GGT1: variants seen among roughly 807,000 people sequenced by gnomAD.
The protein encoded by GGT1 is glutathione hydrolase 1 proenzyme.
In GGT1, 21 loss-of-function variants were observed where a neutral mutation model predicts 56.0. The ratio of observed to expected loss-of-function variants is 0.38; its 90% confidence interval spans 0.27 to 0.54. GGT1 has a LOEUF of 0.54. Among genes scored for constraint, GGT1 ranks in the 20% least tolerant of loss-of-function variants. GGT1 has a pLI of 0.82. For missense variants in GGT1, 466 were observed against 787.0 expected, an observed-to-expected ratio of 0.59 and a Z score of 4.88; for synonymous variants, 238 against 342.6, an observed-to-expected ratio of 0.69 and a Z score of 3.37.
At chr22:24,623,048 C>G (rs2047530645) in intron 9 of GGT1, 59 bp from the exon 10 acceptor site, 2 of 1,608,786 alleles carry the variant, frequency 1.2e-6, no homozygotes, top group African/African-American at 2.7e-5. Context: ...GCAGCTCCAT[C>G]CTCCACGCAG....
At chr22:24,611,541 ATCATCTATCTATCTATCTATCTATCT>A in intron 5 of GGT1, among the ~76,000 whole-genome samples, 1 of 39,122 alleles carries the variant, frequency 2.6e-5, no homozygotes, top group East Asian at 6.3e-4. Context: ...CTATCTATCT[ATCATCTATCTATCTATCTATCTATCT>A]ATCTATCTAT....
the GGT1 span, chr22:24,585,790 T>C: frequency 8.1e-7 from 1 of 1,235,850 alleles, no homozygotes; most frequent in South Asian, 1.6e-5. Context: ...ACACTGGATT[T>C]CTGGGGGCCT....
chr22:24,590,566 T>G (rs1477116857), upstream of GGT1, among the ~76,000 whole-genome samples: 4 of 152,118 alleles, frequency 2.6e-5, no homozygotes, highest in Admixed American at 2.6e-4. Flanking sequence ...GTGGGATTCT[T>G]TGGGGTCTTT....
At chr22:24,600,935 C>G (rs561700553), upstream of GGT1, among the ~76,000 whole-genome samples, 1 of 152,194 alleles carries the variant, frequency 6.6e-6, no homozygotes, top group Admixed American at 6.5e-5. Context: ...AGTGAGCTCC[C>G]CATTGGGGAA....
upstream of GGT1, among the ~76,000 whole-genome samples, chr22:24,594,606 C>T (rs117990015): frequency 4.7e-4 from 71 of 152,210 alleles, 2 homozygotes; most frequent in East Asian, 0.012. Flanking sequence ...GGACCCCCAA[C>T]CCCTGCTGGA....
chr22:24,606,182 C>A (rs1421377530), intron 1 of GGT1, among the ~76,000 whole-genome samples: 1 of 143,576 alleles, frequency 7.0e-6, no homozygotes, highest in Non-Finnish European at 1.5e-5. Flanking sequence ...TACATGTGCA[C>A]AACGTACAGG....
chr22:24,594,213 C>T (rs932406729), upstream of GGT1, among the ~76,000 whole-genome samples: 1 of 151,942 alleles, frequency 6.6e-6, no homozygotes, highest in South Asian at 2.1e-4. Context: ...GCCCCAATCC[C>T]GGCTCTGGGA....
the GGT1 span, among the ~76,000 whole-genome samples, chr22:24,587,826 G>A: frequency 6.6e-6 from 1 of 152,138 alleles, no homozygotes; most frequent in African/African-American, 2.4e-5. Context: ...CCTCTAAAAT[G>A]AGAATCGCGA....
At chr22:24,622,363 G>A (rs755808569) in intron 9 of GGT1, among the ~76,000 whole-genome samples, 1 of 143,838 alleles carries the variant, frequency 7.0e-6, no homozygotes, top group African/African-American at 2.6e-5. Flanking sequence ...AGGAGATCGA[G>A]ACCATCCTGG....
chr22:24,597,933 A>C (rs2045722168), intron 1 of GGT1: 1 of 152,218 alleles, frequency 6.6e-6, no homozygotes, highest in African/African-American at 2.4e-5. Context: ...CCATCCCACC[A>C]GTCACAAGTC....
rs2047364268 is a variant in GGT1 at position 24,620,721 on chromosome 22, G to A, written c.576-192G>A. On this transcript the variant is annotated intron_variant, in intron 8 of 15. Transcript: ENST00000400382. This position sits in a 1 kb window ranked among gnomAD's most constrained non-coding sequence, Gnocchi z 5.6. Reference sequence around the variant, plus strand: ...CAGTGGCCACTGTGGCTGGCCATGTGTCCTGAGTGGCAAGGGACACTAGGA... The same window carrying A: ...CAGTGGCCACTGTGGCTGGCCATGTATCCTGAGTGGCAAGGGACACTAGGA... 2.3e-5 allele frequency: 33 copies of A among 1,458,726 alleles called. No homozygotes were observed. Among genetic ancestry groups the A allele is most frequent in the Non-Finnish European group, 3.0e-5 (33 of 1,102,796 alleles). 90.4% of individuals were successfully genotyped at this position (1,458,726 alleles called of 1,614,324 possible).
Position 24,628,374 on chromosome 22 carries a change from A to G in GGT1, c.1549A>G (p.Arg517Gly). 6.2e-7 allele frequency: 1 copy of G among 1,610,988 alleles called. No individual in the cohort carries two copies. The highest frequency in any genetic ancestry group is 8.5e-7 in the Non-Finnish European group (1 of 1,179,844). ...QLLPNVTTVE[R>G]NIDQAVTAAL... is the part of the protein sequence containing the mutation. ...TCTGCCCAACGTCACGACAGTGGAG[A>G]GAAACATTGACCAGGTGGGCCGGGG... The change falls in exon 15 of 16, where the codon AGA (arginine) becomes GGA (glycine). Residue 517 changes from arginine (R) to glycine (G), a missense_variant. By Grantham distance (125) the Arg-to-Gly change is moderately radical. Around this residue, in one of 2 missense-constraint regions of GGT1, gnomAD observed 456 missense variants for 716.7 expected, o/e 0.64. Transcript: ENST00000400382. This position sits in a 1 kb window ranked among gnomAD's most constrained non-coding sequence, Gnocchi z 5.7.
In GGT1 at chr22:24,627,534, A is replaced by C; in HGVS notation, c.1123A>C (p.Thr375Pro). ...CTCCTACTACAAGCCCGAGTTCTAC[A>C]CGCCGGATGACGGGGGCACTGCTCA... ...PISYYKPEFY[T>P]PDDGGTAHLS... The change falls in exon 12 of 16, where the codon ACG becomes CCG. Residue 375 changes from threonine to proline, a missense_variant. Physicochemically the swap from Thr to Pro is conservative, Grantham distance 38 (BLOSUM62 -1). Around this residue, in one of 2 missense-constraint regions of GGT1, gnomAD observed 456 missense variants for 716.7 expected, o/e 0.64. Transcript: ENST00000400382. The C allele has an allele frequency of 6.2e-7, 1 of 1,611,710 alleles. No homozygotes were observed. Among genetic ancestry groups the C allele is most frequent in the South Asian group, 1.1e-5 (1 of 90,960 alleles).
At chr22:24,618,857 C>T (rs2047230025) in intron 7 of GGT1, among the ~76,000 whole-genome samples, 2 of 152,184 alleles carry the variant, frequency 1.3e-5, no homozygotes. Context: ...ATAGTTGTAC[C>T]TTTCTGGGCA....
At position 24,620,671 on chromosome 22, in the gene GGT1, G is replaced by A. The variant is rs1291890678; in HGVS notation, c.575+151G>A. ...ATACAGACCCTTCCCACCACGTGTG[G>A]GGACACATTCTGAGCGTGGGGTCCC... On this transcript the variant is annotated intron_variant, in intron 8 of 15. Transcript: ENST00000400382. The surrounding 1 kb of genome is among the most constrained non-coding windows in gnomAD (Gnocchi z 5.6). The A allele has an allele frequency of 7.5e-6, 11 of 1,466,636 alleles. No homozygotes were observed. The East Asian group carries it at 2.2e-4, about 30-fold the overall frequency. 90.9% of individuals were successfully genotyped at this position (1,466,636 alleles called of 1,614,324 possible).
At chr22:24,625,012 A>G (rs1444724562) in intron 11 of GGT1, among the ~76,000 whole-genome samples, 1 of 152,150 alleles carries the variant, frequency 6.6e-6, no homozygotes, top group Non-Finnish European at 1.5e-5. Flanking sequence ...ATGTAAAAAA[A>G]CCCCAAAACT....
At position 24,615,353 on chromosome 22, in the gene GGT1, T is replaced by C. The variant is rs28377326; in HGVS notation, c.382+226T>C. ...TTTCTGCTAAGGCCTCCGGGGCCAC[T>C]CTGTGCAGCACATGGAGAGAATAAT... is the stretch of plus-strand genomic sequence containing the variant. On this transcript the variant is annotated intron_variant, in intron 7 of 15. Transcript: ENST00000400382. 0.46 allele frequency among the ~76,000 whole-genome samples: 69,559 copies of C among 151,810 alleles called. 18,808 individuals are homozygous for C. Among genetic ancestry groups the C allele is most frequent in the African/African-American group, 0.76 (31,526 of 41,352 alleles).
upstream of GGT1, among the ~76,000 whole-genome samples, chr22:24,599,727 G>A (rs1315985811): frequency 3.3e-5 from 5 of 152,246 alleles, no homozygotes; most frequent in African/African-American, 1.2e-4. Flanking sequence ...ACATTAGCCA[G>A]CAGGGCGCAG....
intron 11 of GGT1, chr22:24,624,245 A>G (rs1264135342): frequency 1.0e-6 from 1 of 969,884 alleles, no homozygotes; most frequent in East Asian, 1.1e-4. Flanking sequence ...GATGGGTGAA[A>G]GGGAGAGGGC....
Sources: gnomAD v4.1 joint callset for allele counts (sites outside exome capture counted in the v4.1 genomes callset) on GRCh38, gnomAD v4.1.1 for gene constraint, gnomAD v4.1.1 regional missense constraint, Gnocchi (gnomAD v3.1) non-coding constraint, MANE v1.5 for transcripts, NCBI Gene and HGNC (gene_info 2026-07-23, HGNC 2026-07-21) for gene names.